The following LCMT1 variants were observed in gnomAD, a reference collection of about 807,000 sequenced individuals.
LCMT1 encodes [Phosphatase 2A protein]-leucine-carboxy methyltransferase 1.
A neutral mutation model predicts 47.7 loss-of-function variants in LCMT1; 32 were observed. The observed-to-expected ratio is 0.67, with a 90% CI of 0.51 to 0.90. LCMT1 has a LOEUF of 0.90. Ranked by LOEUF, LCMT1 falls within the 40% of genes least tolerant of loss-of-function variation. The probability of loss-of-function intolerance (pLI) is 0.00; values close to 1 mark genes in which losing one functional copy is unlikely to be tolerated. For synonymous variants in LCMT1, 152 were observed against 149.7 expected (o/e 1.02, Z -0.11); for missense variants, 375 against 415.2 (o/e 0.90, Z 0.84).
chr16:25,132,362 C>T (rs1597571033), intron 2 of LCMT1, 40 bp from the exon 3 acceptor site: 2 of 1,610,190 alleles, frequency 1.2e-6, no homozygotes, highest in Non-Finnish European at 1.7e-6. Flanking sequence ...TCTGTCATCA[C>T]TGGGTGATAG....
intron 10 of LCMT1, among the ~76,000 whole-genome samples, chr16:25,177,737 A>G (rs1416135570): frequency 1.3e-5 from 2 of 152,240 alleles, no homozygotes; most frequent in East Asian, 3.8e-4. Flanking sequence ...AGTTCAGCAC[A>G]TAAAGGGTAG....
At position 25,111,887 on chromosome 16, in the gene LCMT1, G is replaced by C; in HGVS notation, c.4G>C (p.Ala2Pro). The stretch of plus-strand genomic sequence containing the variant: ...GCTCCCAGGAACCTCCACGCCCATG[G>C]CCACTAGGCAGAGGGAATCCTCTAT... Reference protein sequence around the residue: MATRQRESSITS... With the variant: MPTRQRESSITS... The change falls in exon 1 of 11, where the codon GCC becomes CCC. Residue 2 changes from alanine to proline, a missense_variant. Transcript: ENST00000399069. The C allele has an allele frequency of 6.2e-7, 1 of 1,610,512 alleles. No individual in the cohort carries two copies. The highest frequency in any genetic ancestry group is 8.5e-7 in the Non-Finnish European group (1 of 1,177,460).
chr16:25,128,536 A>G lies in LCMT1; in HGVS notation c.175A>G (p.Lys59Glu), dbSNP rs750085626. 4.4e-6 allele frequency: 7 copies of G among 1,606,648 alleles called. No individual in the cohort carries two copies. Among genetic ancestry groups the G allele is most frequent in the Non-Finnish European group, 6.0e-6 (7 of 1,176,364 alleles). The change falls in exon 2 of 11, where the codon AAA becomes GAA. Residue 59 changes from lysine to glutamate, a missense_variant. By Grantham distance (56) the Lys-to-Glu change is moderately conservative. Transcript: ENST00000399069. ...PYIQHFVRLS[K>E]ERKAPEINRG... ...CATACAGCACTTTGTGAGACTGTCT[A>G]AAGAGAGGAAAGCCCCTGAAATCAA... is the stretch of plus-strand genomic sequence containing the variant.
At chr16:25,143,256 A>C (rs1177250561) in intron 4 of LCMT1, 5 of 152,194 alleles carry the variant, frequency 3.3e-5, no homozygotes, top group Non-Finnish European at 7.4e-5. Context: ...AGGCTGCACG[A>C]AGGGGCCCTG....
At chr16:25,157,480 GT>G (rs1212079989) in intron 5 of LCMT1, among the ~76,000 whole-genome samples, 27 of 152,102 alleles carry the variant, frequency 1.8e-4, no homozygotes, top group African/African-American at 5.8e-4. Flanking sequence ...GGTCGAGGCT[GT>G]AATGAGCCAT....
At chr16:25,158,510 T>G (rs1961329198) in intron 5 of LCMT1, among the ~76,000 whole-genome samples, 1 of 152,200 alleles carries the variant, frequency 6.6e-6, no homozygotes, top group Admixed American at 6.5e-5. Context: ...TCTCACGAAA[T>G]AGAATGTAGG....
At chr16:25,123,505 G>A (rs1349075091) in intron 1 of LCMT1, among the ~76,000 whole-genome samples, 4 of 151,214 alleles carry the variant, frequency 2.6e-5, no homozygotes, top group Non-Finnish European at 4.4e-5. Flanking sequence ...GATTACAGGC[G>A]TGAGCCACCG....
rs1376515857 is a variant in LCMT1 at position 25,122,489 on chromosome 16, ATTTTTATT to A, written c.114-5973_114-5966del. ...ATGCCCGGCTGTGTTTTTTTAATTT[ATTTTTATT>A]TTTTTATTTTTTATAGAGATGGGGT... On this transcript the variant is annotated intron_variant, in intron 1 of 10. Transcript: ENST00000399069. 2.6e-5 allele frequency among the ~76,000 whole-genome samples: 4 copies of A among 151,540 alleles called. No individual in the cohort carries two copies. In the East Asian group the frequency reaches 7.8e-4, roughly 29 times the overall value.
intron 9 of LCMT1, among the ~76,000 whole-genome samples, chr16:25,174,391 C>T (rs1462541214): frequency 1.3e-5 from 2 of 151,628 alleles, no homozygotes; most frequent in Non-Finnish European, 2.9e-5. Context: ...CTGTATTTTC[C>T]AAAAGTCTGT....
chr16:25,168,243 T>C (rs1236796630), intron 7 of LCMT1, among the ~76,000 whole-genome samples: 1 of 149,886 alleles, frequency 6.7e-6, no homozygotes, highest in Non-Finnish European at 1.5e-5. Flanking sequence ...GGGATGGAGT[T>C]TCACCATGTT....
At chr16:25,121,383 C>T (rs1381723002) in intron 1 of LCMT1, among the ~76,000 whole-genome samples, 1 of 152,048 alleles carries the variant, frequency 6.6e-6, no homozygotes, top group Non-Finnish European at 1.5e-5. Flanking sequence ...GCACTCCAGC[C>T]TGGTGACAGA....
At chr16:25,160,922 C>T (rs2141697402) in intron 5 of LCMT1, 180 bp from the exon 6 acceptor site, 3 of 639,626 alleles carry the variant, frequency 4.7e-6, no homozygotes, top group East Asian at 2.9e-5. Context: ...ATGTTACACA[C>T]CAAAACACGA....
intron 9 of LCMT1, among the ~76,000 whole-genome samples, chr16:25,172,457 A>G (rs190737268): frequency 3.1e-3 from 475 of 152,338 alleles, no homozygotes; most frequent in African/African-American, 0.011. Flanking sequence ...TTTGCCTGTT[A>G]TAAACAACAC....
At position 25,178,134 on chromosome 16, in the gene LCMT1, C is replaced by T. The variant is rs191484931; in HGVS notation, c.*111C>T. On this transcript the variant is annotated 3_prime_UTR_variant, in exon 11 of 11. Transcript: ENST00000399069. Reference sequence around the variant, plus strand: ...CCTCGTCCGCAGGTCTCATCCCACACTCTTGAGAAGCCTTGGTCACTACAG... The same window carrying T: ...CCTCGTCCGCAGGTCTCATCCCACATTCTTGAGAAGCCTTGGTCACTACAG... 9.7e-6 allele frequency: 9 copies of T among 929,804 alleles called. No homozygotes were observed. In the East Asian group the frequency reaches 2.2e-4, roughly 23 times the overall value. 57.6% of individuals were successfully genotyped at this position (929,804 alleles called of 1,614,324 possible).
chr16:25,112,639 C>T (rs1338121120), intron 1 of LCMT1, among the ~76,000 whole-genome samples: 1 of 152,064 alleles, frequency 6.6e-6, no homozygotes, highest in Non-Finnish European at 1.5e-5. Context: ...CAGGCCTTTA[C>T]TTTGCAGTGG....
intron 6 of LCMT1, among the ~76,000 whole-genome samples, chr16:25,163,897 T>G (rs1961510154): frequency 6.6e-6 from 1 of 152,074 alleles, no homozygotes; most frequent in African/African-American, 2.4e-5. Flanking sequence ...TCTTCTGCAG[T>G]TTGGGTTGGC....
intron 5 of LCMT1, among the ~76,000 whole-genome samples, chr16:25,156,365 C>T (rs752849495): frequency 5.3e-5 from 8 of 152,212 alleles, no homozygotes; most frequent in Non-Finnish European, 8.8e-5. Flanking sequence ...AAGAGCAGTG[C>T]CTAGTGCACA....
Position 25,132,399 on chromosome 16 carries a change from T to C in LCMT1, c.206-3T>C. 6.2e-7 allele frequency: 1 copy of C among 1,613,312 alleles called. No homozygotes were observed. The highest frequency in any genetic ancestry group is 2.2e-5 in the East Asian group (1 of 44,820). On this transcript the variant is annotated splice_polypyrimidine_tract_variant and splice_region_variant and intron_variant, in intron 2 of 10. Coordinates refer to ENST00000399069, the MANE Select transcript of LCMT1 (RefSeq NM_016309.3). Reference sequence around the variant, plus strand: ...TTGTTTCTGTGCCTCCCCTCCCCCCTAGGATATTTTGCTCGAGTCCATGGT... The same window carrying C: ...TTGTTTCTGTGCCTCCCCTCCCCCCCAGGATATTTTGCTCGAGTCCATGGT...
At chr16:25,134,485 G>T (rs1292391277) in intron 3 of LCMT1, among the ~76,000 whole-genome samples, 1 of 152,222 alleles carries the variant, frequency 6.6e-6, no homozygotes, top group Non-Finnish European at 1.5e-5. Flanking sequence ...ATCAAGCATT[G>T]TTATCTGCCC....
Sources: gnomAD v4.1 joint callset for allele counts (sites outside exome capture counted in the v4.1 genomes callset) on GRCh38, gnomAD v4.1.1 for gene constraint, MANE v1.5 for transcripts, NCBI Gene and HGNC (gene_info 2026-07-23, HGNC 2026-07-21) for gene names.